GALNTL6: variants seen among roughly 807,000 people sequenced by gnomAD.
The protein encoded by GALNTL6 is polypeptide N-acetylgalactosaminyltransferase like 6.
A neutral mutation model predicts 73.7 loss-of-function variants in GALNTL6; 46 were observed. The observed-to-expected ratio is 0.62, with a 90% CI of 0.49 to 0.80. GALNTL6 has a LOEUF of 0.80. Among genes scored for constraint, GALNTL6 ranks in the 30% least tolerant of loss-of-function variants. The probability of loss-of-function intolerance (pLI) is 0.00; values close to 1 mark genes in which losing one functional copy is unlikely to be tolerated. For missense variants in GALNTL6, 604 were observed against 755.0 expected (o/e 0.80, Z 2.34); for synonymous variants, 259 against 263.7 (o/e 0.98, Z 0.17).
At chr4:172,222,106 T>C (rs1274241967) in intron 2 of GALNTL6, among the ~76,000 whole-genome samples, 2 of 151,810 alleles carry the variant, frequency 1.3e-5, no homozygotes, top group African/African-American at 4.8e-5. Flanking sequence ...CCTTAACAGC[T>C]ACCCAGACAG....
At chr4:172,156,542 T>A (rs1579193065) in intron 2 of GALNTL6, among the ~76,000 whole-genome samples, 1 of 16,046 alleles carries the variant, frequency 6.2e-5, no homozygotes, top group Non-Finnish European at 1.2e-4. Context: ...ATATATATAA[T>A]ATATATATAT....
chr4:172,355,724 A>C (rs1197462842), intron 5 of GALNTL6, among the ~76,000 whole-genome samples: 1 of 152,102 alleles, frequency 6.6e-6, no homozygotes, highest in Non-Finnish European at 1.5e-5. Context: ...TAGCTTTTAC[A>C]TTTTTTAAGC....
chr4:172,965,557 G>A (rs1750284448), intron 10 of GALNTL6, among the ~76,000 whole-genome samples: 1 of 151,894 alleles, frequency 6.6e-6, no homozygotes, highest in African/African-American at 2.4e-5. Flanking sequence ...CATCCAGCCT[G>A]GGTGACAGAG....
intron 2 of GALNTL6, among the ~76,000 whole-genome samples, chr4:171,926,689 T>C (rs1477777632): frequency 6.6e-6 from 1 of 152,128 alleles, no homozygotes; most frequent in Admixed American, 6.5e-5. Flanking sequence ...TCATAATTTG[T>C]ATTTACTTTG....
At chr4:172,557,657 G>T (rs981300654) in intron 5 of GALNTL6, among the ~76,000 whole-genome samples, 1 of 152,058 alleles carries the variant, frequency 6.6e-6, no homozygotes, top group South Asian at 2.1e-4. Flanking sequence ...ACCATTAGTC[G>T]TCATGAAATG....
In GALNTL6 at chr4:172,397,663, T is replaced by C. The variant is rs150843484; in HGVS notation, c.553+48974T>C. ...TGCGGTCTCTGCTCACCGCAACCTT[T>C]GCCTCCCAGATTCAAGCAATTCTCC... On this transcript the variant is annotated intron_variant, in intron 5 of 12. Transcript: ENST00000506823. 8.2e-3 allele frequency among the ~76,000 whole-genome samples: 1,252 copies of C among 152,090 alleles called. 14 individuals carry two copies. The highest frequency in any genetic ancestry group is 0.028 in the African/African-American group (1,179 of 41,516).
At chr4:172,008,792 A>T (rs1740911807) in intron 2 of GALNTL6, among the ~76,000 whole-genome samples, 1 of 152,084 alleles carries the variant, frequency 6.6e-6, no homozygotes, top group East Asian at 1.9e-4. Context: ...TGCTTTCCAC[A>T]TCCTTATGCA....
At chr4:172,999,837 C>T (rs943775468) in intron 10 of GALNTL6, among the ~76,000 whole-genome samples, 1 of 151,736 alleles carries the variant, frequency 6.6e-6, no homozygotes, top group African/African-American at 2.4e-5. Flanking sequence ...ATTCTCATTG[C>T]CAATTAGAAC....
At chr4:172,730,832 G>A (rs1218047414) in intron 5 of GALNTL6, among the ~76,000 whole-genome samples, 1 of 152,166 alleles carries the variant, frequency 6.6e-6, no homozygotes, top group African/African-American at 2.4e-5. Flanking sequence ...TGTAATCCCA[G>A]CACTTTGGGA....
chr4:172,314,022 G>A (rs930008831), intron 4 of GALNTL6, among the ~76,000 whole-genome samples: 1 of 152,198 alleles, frequency 6.6e-6, no homozygotes, highest in Admixed American at 6.5e-5. Context: ...ACTGTTTAAA[G>A]TACTATGCTT....
chr4:171,889,605 A>G (rs1736704391), intron 2 of GALNTL6, among the ~76,000 whole-genome samples: 1 of 152,070 alleles, frequency 6.6e-6, no homozygotes, highest in African/African-American at 2.4e-5. Context: ...GAAGAATCAC[A>G]TTATTCGTAT....
intron 9 of GALNTL6, among the ~76,000 whole-genome samples, chr4:172,934,716 T>C (rs1748519580): frequency 6.6e-6 from 1 of 151,956 alleles, no homozygotes; most frequent in South Asian, 2.1e-4. Context: ...ATGTCTAGAG[T>C]TGCAGGGAGA....
At chr4:172,868,707 G>A (rs1173156836) in intron 7 of GALNTL6, among the ~76,000 whole-genome samples, 3 of 152,194 alleles carry the variant, frequency 2.0e-5, no homozygotes, top group Non-Finnish European at 4.4e-5. Context: ...CTTGTGCTGG[G>A]CACCCGTGGG....
chr4:171,988,774 A>C (rs1039003771), intron 2 of GALNTL6, among the ~76,000 whole-genome samples: 4 of 152,154 alleles, frequency 2.6e-5, no homozygotes, highest in Non-Finnish European at 4.4e-5. Context: ...GGGATGGGAT[A>C]TTGGCATTGA....
At chr4:172,851,291 A>G (rs898399132) in intron 7 of GALNTL6, among the ~76,000 whole-genome samples, 1 of 152,076 alleles carries the variant, frequency 6.6e-6, no homozygotes, top group African/African-American at 2.4e-5. Context: ...AAGACCAAAT[A>G]TTAGAACCTA....
chr4:172,024,151 A>G (rs1460629470), intron 2 of GALNTL6, among the ~76,000 whole-genome samples: 1 of 151,742 alleles, frequency 6.6e-6, no homozygotes, highest in Non-Finnish European at 1.5e-5. Flanking sequence ...TAGATATTTA[A>G]TTTTGTTCTC....
intron 5 of GALNTL6, among the ~76,000 whole-genome samples, chr4:172,374,248 G>A (rs1470990051): frequency 6.6e-6 from 1 of 152,146 alleles, no homozygotes; most frequent in Non-Finnish European, 1.5e-5. Context: ...TTTGTCTGAG[G>A]GCCATGACTA....
At chr4:172,366,543 C>CA (rs1742568646) in intron 5 of GALNTL6, among the ~76,000 whole-genome samples, 1 of 152,054 alleles carries the variant, frequency 6.6e-6, no homozygotes, top group Non-Finnish European at 1.5e-5. Flanking sequence ...TATGAAAGGT[C>CA]TCCTCAAATA....
At chr4:172,493,505 A>G (rs1247489042) in intron 5 of GALNTL6, among the ~76,000 whole-genome samples, 2 of 152,222 alleles carry the variant, frequency 1.3e-5, no homozygotes, top group African/African-American at 4.8e-5. Context: ...CGTTTCCTGA[A>G]CTGCTAACTC....
Sources: gnomAD v4.1 joint callset for allele counts (sites outside exome capture counted in the v4.1 genomes callset) on GRCh38, gnomAD v4.1.1 for gene constraint, MANE v1.5 for transcripts, NCBI Gene and HGNC (gene_info 2026-07-23, HGNC 2026-07-21) for gene names.